Variants in ZNF292 observed in about 807,000 individuals in gnomAD.
ZNF292 encodes 16 zinc-finger domain protein.
In ZNF292, 26 loss-of-function variants were observed where a neutral mutation model predicts 217.9. The observed-to-expected ratio is 0.12, with a 90% CI of 0.09 to 0.17. The LOEUF is 0.17. Among genes scored for constraint, ZNF292 ranks in the 10% least tolerant of loss-of-function variants. The probability of loss-of-function intolerance (pLI) is 1.00; values close to 1 mark genes in which losing one functional copy is unlikely to be tolerated. For missense variants in ZNF292, 2,904 were observed against 3,175.2 expected (o/e 0.91, Z 2.05); for synonymous variants, 1,257 against 1,124.1 (o/e 1.12, Z -2.37).
At chr6:87,250,547 G>A (rs532867520) in intron 7 of ZNF292, among the ~76,000 whole-genome samples, 44 of 152,292 alleles carry the variant, frequency 2.9e-4, no homozygotes, top group African/African-American at 1.0e-3. Context: ...GAAGTAATAT[G>A]TAGCCATTGT....
intron 5 of ZNF292, among the ~76,000 whole-genome samples, chr6:87,242,071 A>G (rs1774319554): frequency 1.3e-5 from 2 of 152,246 alleles, no homozygotes; most frequent in South Asian, 4.1e-4. Context: ...AGTTACGATT[A>G]ATAATATATA....
intron 3 of ZNF292, 53 bp downstream of exon 3, chr6:87,216,430 C>CG (rs1772780770): frequency 7.5e-6 from 10 of 1,340,710 alleles, no homozygotes; most frequent in Non-Finnish European, 9.3e-6. Flanking sequence ...GTCAGTTTTC[C>CG]TTACTCTTAA....
At chr6:87,231,548 T>G (rs1212462219) in intron 4 of ZNF292, among the ~76,000 whole-genome samples, 1 of 152,182 alleles carries the variant, frequency 6.6e-6, no homozygotes, top group South Asian at 2.1e-4. Flanking sequence ...CATTTTGCCC[T>G]AAGTGTGGCA....
At position 87,176,463 on chromosome 6, in the gene ZNF292, AT is replaced by A. The variant is rs111490806; in HGVS notation, c.168+20705del. Among the ~76,000 whole-genome samples, 557 of 152,276 alleles carry A rather than the reference AT, an allele frequency of 3.7e-3. 2 individuals are homozygous for A. Among genetic ancestry groups the A allele is most frequent in the African/African-American group, 0.013 (536 of 41,572 alleles). ...AGGGCACCTCTGGAATGAGGGTCTT[AT>A]GACTTACTTTAGGGGAAGGTCAGAA... On this transcript the variant is annotated intron_variant, in intron 1 of 7. Coordinates refer to ENST00000369577, the MANE Select transcript of ZNF292 (RefSeq NM_015021.3).
chr6:87,222,015 TC>T (rs1773108056), intron 4 of ZNF292, among the ~76,000 whole-genome samples: 1 of 152,190 alleles, frequency 6.6e-6, no homozygotes. Context: ...TTTAATTATG[TC>T]TTCTCAATCT....
Position 87,254,808 on chromosome 6 carries a change from A to G in ZNF292, c.1179A>G (p.Glu393=). ...LEVKRACQLS[E]FLIEPTVDAY... is the part of the protein sequence containing the mutation. ...TTAAACGTGCTTGTCAACTGAGTGA[A>G]TTTCTTATTGAGCCTACAGTAGATG... is the stretch of plus-strand genomic sequence containing the variant. Residue 393 remains glutamate, a synonymous_variant, in exon 8 of 8, where the codon GAA becomes GAG. Coordinates refer to ENST00000369577, the MANE Select transcript of ZNF292 (RefSeq NM_015021.3). 6.2e-7 allele frequency: 1 copy of G among 1,613,954 alleles called. No homozygotes were observed. Among genetic ancestry groups the G allele is most frequent in the Non-Finnish European group, 8.5e-7 (1 of 1,179,864 alleles).
intron 1 of ZNF292, among the ~76,000 whole-genome samples, chr6:87,203,526 G>A (rs909092964): frequency 6.6e-6 from 1 of 151,686 alleles, no homozygotes; most frequent in Non-Finnish European, 1.5e-5. Flanking sequence ...TATTGCAACC[G>A]TTTCTCTTCC....
intron 5 of ZNF292, among the ~76,000 whole-genome samples, chr6:87,238,524 T>C (rs1213179661): frequency 6.6e-6 from 1 of 150,510 alleles, no homozygotes; most frequent in Non-Finnish European, 1.5e-5. Context: ...AGTAATAACA[T>C]TGGGGAAGTA....
Position 87,263,124 on chromosome 6 carries a change from C to T in ZNF292, c.*1323C>T, listed in dbSNP as rs1775687835. ...TTGGTTATTCAGTATATAGTTAGCTCTTACAGTTTAGCTTTATTCACCATA... is the reference window on the plus strand; with the variant it reads ...TTGGTTATTCAGTATATAGTTAGCTTTTACAGTTTAGCTTTATTCACCATA... On this transcript the variant is annotated 3_prime_UTR_variant, in exon 8 of 8. Coordinates refer to ENST00000369577, the MANE Select transcript of ZNF292 (RefSeq NM_015021.3). 6.6e-6 allele frequency: 1 copy of T among 151,920 alleles called. No individual in the cohort carries two copies. Among genetic ancestry groups the T allele is most frequent in the Admixed American group, 6.6e-5 (1 of 15,234 alleles). The allele number at this position is 151,920 out of a possible 1,614,324, so 9.4% of individuals were successfully genotyped here. A position where few individuals can be genotyped will look rare whatever the true frequency, so the allele number is the denominator to read the frequency against.
At chr6:87,176,091 A>G (rs1299512295) in intron 1 of ZNF292, among the ~76,000 whole-genome samples, 1 of 152,222 alleles carries the variant, frequency 6.6e-6, no homozygotes, top group Non-Finnish European at 1.5e-5. Context: ...TTTCCCTCAT[A>G]GGGAAGAAAA....
chr6:87,212,974 T>G (rs2127799427), intron 1 of ZNF292, among the ~76,000 whole-genome samples: 1 of 152,300 alleles, frequency 6.6e-6, no homozygotes, highest in East Asian at 1.9e-4. Flanking sequence ...AAACTTCCCT[T>G]CATCCTCTGA....
At chr6:87,248,977 T>C (rs1011338252) in intron 7 of ZNF292, among the ~76,000 whole-genome samples, 11 of 152,226 alleles carry the variant, frequency 7.2e-5, no homozygotes, top group East Asian at 3.8e-4. Flanking sequence ...AGCACAGATA[T>C]AGAACATTCC....
At chr6:87,244,722 A>G (rs942123850) in intron 6 of ZNF292, among the ~76,000 whole-genome samples, 1 of 152,170 alleles carries the variant, frequency 6.6e-6, no homozygotes, top group African/African-American at 2.4e-5. Flanking sequence ...TTTTGTCATC[A>G]TTGGTTCTTA....
At chr6:87,203,735 G>T (rs1397859517) in intron 1 of ZNF292, among the ~76,000 whole-genome samples, 1 of 152,028 alleles carries the variant, frequency 6.6e-6, no homozygotes, top group Non-Finnish European at 1.5e-5. Flanking sequence ...GTGGCTGTGT[G>T]TGGGGATTTA....
intron 1 of ZNF292, among the ~76,000 whole-genome samples, chr6:87,193,672 C>T (rs1374235396): frequency 6.6e-6 from 1 of 152,174 alleles, no homozygotes; most frequent in East Asian, 1.9e-4. Context: ...AGCACGCCCT[C>T]CGAGGGTAAT....
chr6:87,260,742 A>G lies in ZNF292; in HGVS notation c.7113A>G (p.Arg2371=). ...RGKHVYSIKA[R]NDALSECTSR... is the part of the protein sequence containing the mutation. ...AGCATGTATATTCTATAAAGGCTAG[A>G]AATGATGCCCTGTCTGAGTGTACAA... Residue 2371 remains arginine (R), a synonymous_variant, in exon 8 of 8, where the codon AGA becomes AGG. Transcript: ENST00000369577. 3.7e-6 allele frequency: 6 copies of G among 1,613,510 alleles called. No individual in the cohort carries two copies. The highest frequency in any genetic ancestry group is 5.1e-6 in the Non-Finnish European group (6 of 1,179,640).
intron 5 of ZNF292, among the ~76,000 whole-genome samples, chr6:87,238,986 AC>A (rs1774055503): frequency 6.6e-6 from 1 of 152,248 alleles, no homozygotes; most frequent in Non-Finnish European, 1.5e-5. Context: ...TTCAGAGAGC[AC>A]CAGGTTGGGG....
At position 87,258,701 on chromosome 6, in the gene ZNF292, A is replaced by T. The variant is rs763118622; in HGVS notation, c.5072A>T (p.Asn1691Ile). The T allele has an allele frequency of 1.9e-6, 3 of 1,613,402 alleles. No individual in the cohort carries two copies. The highest frequency in any genetic ancestry group is 2.2e-5 in the South Asian group (2 of 91,034). Residue 1691 changes from asparagine to isoleucine, a missense_variant, in exon 8 of 8, where the codon AAT (asparagine) becomes ATT (isoleucine). This residue lies in a region of ZNF292 where 622 missense variants were observed against 573.1 expected (regional missense o/e 1.09). Coordinates refer to ENST00000369577, the MANE Select transcript of ZNF292 (RefSeq NM_015021.3). The part of the protein sequence containing the change: ...SLVENLTQKL[N>I]NVNNQLFMTD... The stretch of plus-strand genomic sequence containing the variant: ...GTGGAAAATCTAACACAGAAATTAA[A>T]TAATGTTAACAATCAGTTATTTATG...
chr6:87,218,850 T>C, intron 4 of ZNF292, 119 bp downstream of exon 4: 1 of 1,116,378 alleles, frequency 9.0e-7, no homozygotes, highest in Non-Finnish European at 1.2e-6. Context: ...TAATTAAATA[T>C]CTTCTGAGGT....
Sources: gnomAD v4.1 joint callset for allele counts (sites outside exome capture counted in the v4.1 genomes callset) on GRCh38, gnomAD v4.1.1 for gene constraint, gnomAD v4.1.1 regional missense constraint, MANE v1.5 for transcripts, NCBI Gene and HGNC (gene_info 2026-07-23, HGNC 2026-07-21) for gene names.